MARCHF8: variants seen among roughly 807,000 people sequenced by gnomAD.
MARCHF8 encodes the protein E3 ubiquitin-protein ligase MARCHF8.
Under a neutral mutation model 51.6 loss-of-function variants are expected in MARCHF8, and 40 were observed. The observed-to-expected ratio is 0.77, with a 90% CI of 0.60 to 1.01. The LOEUF (loss-of-function observed/expected upper bound fraction) is 1.01. Among genes scored for constraint, MARCHF8 ranks in the 50% least tolerant of loss-of-function variants. MARCHF8 has a pLI of 0.00. For missense variants in MARCHF8, 685 were observed against 708.6 expected (o/e 0.97, Z 0.38); for synonymous variants, 263 against 280.3 (o/e 0.94, Z 0.62).
At chr10:45,482,409 A>T (rs1233617357) in intron 3 of MARCHF8, among the ~76,000 whole-genome samples, 1 of 152,224 alleles carries the variant, frequency 6.6e-6, no homozygotes, top group Non-Finnish European at 1.5e-5. Flanking sequence ...CCTGACTTCA[A>T]AGGATATTAC....
chr10:45,498,118 C>A (rs971254097), intron 2 of MARCHF8, among the ~76,000 whole-genome samples: 1 of 152,172 alleles, frequency 6.6e-6, no homozygotes, highest in Non-Finnish European at 1.5e-5. Context: ...TTCTTTTTAA[C>A]ATTTTAATTG....
Position 45,458,407 on chromosome 10 carries a change from G to A in MARCHF8, c.1554C>T (p.Ile518=). 3 of 1,614,108 alleles carry A rather than the reference G, an allele frequency of 1.9e-6. No individual in the cohort carries two copies. The highest frequency in any genetic ancestry group is 2.5e-6 in the Non-Finnish European group (3 of 1,180,026). Residue 518 remains isoleucine, a synonymous_variant, in exon 8 of 8, where the codon ATC becomes ATT. Transcript: ENST00000453424. The part of the protein sequence containing the change: ...WKRLKAYNRV[I]YVQNCPETSK... ...TTGTTTCTGGACAGTTTTGAACATAGATCACTCTATTATAGGCCTTGAGTC... is the reference window on the plus strand; with the variant it reads ...TTGTTTCTGGACAGTTTTGAACATAAATCACTCTATTATAGGCCTTGAGTC...
At chr10:45,539,665 A>G, upstream of MARCHF8, among the ~76,000 whole-genome samples, 1 of 152,254 alleles carries the variant, frequency 6.6e-6, no homozygotes, top group East Asian at 1.9e-4. Context: ...AGAAATACCA[A>G]CTACCATCAA....
intron 6 of MARCHF8, 43 bp from the exon 7 acceptor site, chr10:45,459,310 AG>A: frequency 6.2e-7 from 1 of 1,605,106 alleles, no homozygotes; most frequent in African/African-American, 1.3e-5. Context: ...CTTCTGGGGA[AG>A]GGCTCCGGTG....
intron 1 of MARCHF8, among the ~76,000 whole-genome samples, chr10:45,589,385 A>C (rs2044653123): frequency 6.6e-6 from 1 of 152,192 alleles, no homozygotes; most frequent in African/African-American, 2.4e-5. Flanking sequence ...GGAGGCATAC[A>C]ACATGGCATC....
At chr10:45,567,815 T>G (rs2044382005) in intron 1 of MARCHF8, among the ~76,000 whole-genome samples, 2 of 152,232 alleles carry the variant, frequency 1.3e-5, no homozygotes, top group Admixed American at 1.3e-4. Context: ...TCTGTTTCTG[T>G]GAAGAATGTC....
At chr10:45,534,465 G>A (rs2043943034) in intron 1 of MARCHF8, among the ~76,000 whole-genome samples, 1 of 151,958 alleles carries the variant, frequency 6.6e-6, no homozygotes, top group African/African-American at 2.4e-5. Context: ...TTTCTCTTAC[G>A]CATCCCCCAA....
chr10:45,549,529 C>T lies in MARCHF8; in HGVS notation c.-78-16240G>A, dbSNP rs115330030. On this transcript the variant is annotated intron_variant, in intron 1 of 6. Coordinates refer to the MARCHF8 transcript ENST00000319836. ...ACTACACATGGTGCCTCTGCTTGCA[C>T]TGTGTCTGCTGATTGAGACCAAAGT... Among the ~76,000 whole-genome samples, 1,023 of 152,292 alleles carry T rather than the reference C, an allele frequency of 6.7e-3. 9 individuals are homozygous for T. The highest frequency in any genetic ancestry group is 0.023 in the African/African-American group (974 of 41,566).
chr10:45,503,531 C>T (rs1055374061), intron 2 of MARCHF8, among the ~76,000 whole-genome samples: 13 of 102,052 alleles, frequency 1.3e-4, no homozygotes, highest in African/African-American at 5.3e-4. Context: ...AACGAGACTC[C>T]GTCTCAAATA....
chr10:45,461,424 G>C lies in MARCHF8; in HGVS notation c.1089-13C>G. The C allele has an allele frequency of 9.2e-6, 14 of 1,529,160 alleles. No homozygotes were observed. The highest frequency in any genetic ancestry group is 1.2e-5 in the Non-Finnish European group (14 of 1,137,982). The allele number at this position is 1,529,160 out of a possible 1,614,324, so 94.7% of individuals were successfully genotyped here. ...ACAGTGGCAGATCCTATGGTGGAAG[G>C]AAAACCTGTCATTCCAAGGACAGTC... On this transcript the variant is annotated splice_polypyrimidine_tract_variant and intron_variant, in intron 5 of 7. Transcript: ENST00000453424.
chr10:45,513,220 A>AT (rs1348750126), intron 2 of MARCHF8, among the ~76,000 whole-genome samples: 3 of 150,956 alleles, frequency 2.0e-5, no homozygotes, highest in African/African-American at 7.3e-5. Context: ...AGAATGATCA[A>AT]TTAAAAAAAA....
At chr10:45,519,581 T>C (rs1294654653) in intron 2 of MARCHF8, among the ~76,000 whole-genome samples, 1 of 152,268 alleles carries the variant, frequency 6.6e-6, no homozygotes, top group Non-Finnish European at 1.5e-5. Context: ...AGCATGGCTC[T>C]ACTCCAATAA....
chr10:45,561,801 T>C (rs1339733706), intron 1 of MARCHF8, among the ~76,000 whole-genome samples: 2 of 145,068 alleles, frequency 1.4e-5, no homozygotes, highest in Non-Finnish European at 3.0e-5. Flanking sequence ...CTCAGGAGGC[T>C]GAGGCAAGAG....
intron 1 of MARCHF8, among the ~76,000 whole-genome samples, chr10:45,564,295 T>C (rs951735063): frequency 1.5e-4 from 22 of 151,722 alleles, no homozygotes; most frequent in African/African-American, 5.3e-4. Flanking sequence ...ATAAGAAGTA[T>C]AAAACAGAAC....
intron 1 of MARCHF8, among the ~76,000 whole-genome samples, chr10:45,550,606 A>G (rs1427174223): frequency 1.3e-5 from 2 of 151,942 alleles, no homozygotes; most frequent in Non-Finnish European, 2.9e-5. Flanking sequence ...TTGCCTCACT[A>G]CTCACCTTAC....
chr10:45,470,269 G>A (rs1340640004), intron 3 of MARCHF8, among the ~76,000 whole-genome samples: 1 of 152,180 alleles, frequency 6.6e-6, no homozygotes, highest in South Asian at 2.1e-4. Context: ...GGAGGACTGC[G>A]TTTACACATT....
chr10:45,565,311 G>A (rs1030518174), intron 1 of MARCHF8, among the ~76,000 whole-genome samples: 6 of 152,050 alleles, frequency 3.9e-5, no homozygotes, highest in African/African-American at 1.4e-4. Context: ...CATGCCTGTA[G>A]TCCCAGCTAC....
At position 45,533,122 on chromosome 10, in the gene MARCHF8, C is replaced by T; in HGVS notation, c.90G>A (p.Glu30=). The part of the protein sequence containing the change: ...RVYRSKTKEK[E]REEQNEKTLG... ...ACTCTCCCAGTACCTGTTCTTCCCTCTCCTTTTCTTTGGTCTTACTTCTGT... is the reference window on the plus strand; with the variant it reads ...ACTCTCCCAGTACCTGTTCTTCCCTTTCCTTTTCTTTGGTCTTACTTCTGT... Residue 30 remains glutamate (E), a synonymous_variant, in exon 2 of 8, where the codon GAG becomes GAA. Coordinates refer to ENST00000453424, the MANE Select transcript of MARCHF8 (RefSeq NM_001282866.2). 4 of 1,607,300 alleles carry T rather than the reference C, an allele frequency of 2.5e-6. No individual in the cohort carries two copies. The highest frequency in any genetic ancestry group is 3.4e-6 in the Non-Finnish European group (4 of 1,177,844).
chr10:45,538,325 C>T (rs929593585), upstream of MARCHF8, among the ~76,000 whole-genome samples: 2 of 152,166 alleles, frequency 1.3e-5, no homozygotes, highest in Admixed American at 6.5e-5. Flanking sequence ...AAGCACTAAA[C>T]ATGGAAAGGA....
Sources: gnomAD v4.1 joint callset for allele counts (sites outside exome capture counted in the v4.1 genomes callset) on GRCh38, gnomAD v4.1.1 for gene constraint, MANE v1.5 for transcripts, NCBI Gene and HGNC (gene_info 2026-07-23, HGNC 2026-07-21) for gene names.